Variants in RYR2 observed in about 807,000 individuals in gnomAD.
RYR2 encodes the protein ryanodine receptor 2.
A neutral mutation model predicts 601.1 loss-of-function variants in RYR2; 227 were observed. The ratio of observed to expected loss-of-function variants is 0.38; its 90% CI spans 0.34 to 0.42. The LOEUF is 0.42. RYR2 is among the 10% of genes least tolerant of loss of function. The pLI is 1.00. For missense variants in RYR2, 4,646 were observed against 6,156.5 expected (o/e 0.75, Z 8.21); for synonymous variants, 2,223 against 2,175.1 (o/e 1.02, Z -0.61).
intron 1 of RYR2, among the ~76,000 whole-genome samples, chr1:237,168,701 G>T (rs191357010): frequency 4.9e-5 from 2 of 40,622 alleles, no homozygotes; most frequent in East Asian, 1.3e-3. Flanking sequence ...CTCTGTTCTT[G>T]CTAAATGTGT....
chr1:237,612,185 G>A (rs183869877), intron 36 of RYR2, among the ~76,000 whole-genome samples: 8 of 152,254 alleles, frequency 5.3e-5, no homozygotes, highest in Admixed American at 3.3e-4. Flanking sequence ...TTAAGTGAAA[G>A]AATCCTACTA....
At chr1:237,542,062 A>AT (rs1170221829) in intron 25 of RYR2, among the ~76,000 whole-genome samples, 2 of 122,090 alleles carry the variant, frequency 1.6e-5, no homozygotes, top group African/African-American at 7.7e-5. Flanking sequence ...TTTTGTCTTT[A>AT]TTTATTTATT....
At chr1:237,045,408 T>C (rs985021706) in intron 1 of RYR2, among the ~76,000 whole-genome samples, 12 of 152,202 alleles carry the variant, frequency 7.9e-5, no homozygotes, top group African/African-American at 2.9e-4. Flanking sequence ...CTCTGGCATC[T>C]CTGTTCCATT....
At chr1:237,418,169 A>C (rs1705201622) in intron 11 of RYR2, among the ~76,000 whole-genome samples, 1 of 152,002 alleles carries the variant, frequency 6.6e-6, no homozygotes, top group Admixed American at 6.5e-5. Context: ...CAGCCTCCCG[A>C]GTAGCTGGGA....
At chr1:237,069,420 G>A (rs938664159) in intron 1 of RYR2, among the ~76,000 whole-genome samples, 3 of 152,010 alleles carry the variant, frequency 2.0e-5, no homozygotes, top group Admixed American at 6.6e-5. Context: ...ACAGGGCACA[G>A]CAAGTTGGAC....
chr1:237,205,808 A>G (rs1313739850), intron 1 of RYR2, among the ~76,000 whole-genome samples: 2 of 152,230 alleles, frequency 1.3e-5, no homozygotes, highest in Admixed American at 1.3e-4. Flanking sequence ...CTCTTCCTGC[A>G]CTGGGCAGAG....
rs572190116 is a variant in RYR2, at chr1:237,285,250, T to A, written c.168+14634T>A. On this transcript the variant is annotated intron_variant, in intron 2 of 104. Transcript: ENST00000366574. ...TTTTAATCATAAAGTGATGCTAGAT[T>A]TTGTCGAATGCTTTTTCTGCATCTA... 3.3e-5 allele frequency among the ~76,000 whole-genome samples: 5 copies of A among 152,304 alleles called. No homozygotes were observed. In the East Asian group the frequency reaches 9.7e-4, roughly 29 times the overall value.
rs145850838 is a variant in RYR2, at chr1:237,688,276, T to C, written c.9067+772T>C. 2.5e-3 allele frequency among the ~76,000 whole-genome samples: 377 copies of C among 152,290 alleles called. 3 individuals carry two copies. The highest frequency in any genetic ancestry group is 8.7e-3 in the African/African-American group (361 of 41,568). ...AGGTTTTGAGACAGTGTTGGAGTAA[T>C]TTTAGTAATAAAACATTGAATGTAT... is the stretch of plus-strand genomic sequence containing the variant. On this transcript the variant is annotated intron_variant, in intron 63 of 104. Transcript: ENST00000366574.
At chr1:237,103,826 C>T (rs1668384104) in intron 1 of RYR2, among the ~76,000 whole-genome samples, 1 of 152,236 alleles carries the variant, frequency 6.6e-6, no homozygotes, top group Non-Finnish European at 1.5e-5. Flanking sequence ...GCCTCGGCCT[C>T]CCAAAGTGTT....
chr1:237,431,423 A>G (rs1396445861), intron 12 of RYR2, among the ~76,000 whole-genome samples: 1 of 152,136 alleles, frequency 6.6e-6, no homozygotes, highest in Non-Finnish European at 1.5e-5. Flanking sequence ...TTGTAAGCAA[A>G]TATTACATAT....
At chr1:237,640,715 C>T (rs917137073) in intron 46 of RYR2, among the ~76,000 whole-genome samples, 182 bp from the exon 47 acceptor site, 20 of 152,298 alleles carry the variant, frequency 1.3e-4, no homozygotes, top group African/African-American at 4.6e-4. Flanking sequence ...AATCTCAAGT[C>T]TGATCTTTAA....
chr1:237,805,665 TTTTTAA>T (rs1660559126), intron 98 of RYR2, among the ~76,000 whole-genome samples: 1 of 149,680 alleles, frequency 6.7e-6, no homozygotes, highest in Admixed American at 6.7e-5. Context: ...TCAGAGTTAC[TTTTTAA>T]TTGTATTTTT....
intron 12 of RYR2, among the ~76,000 whole-genome samples, chr1:237,436,342 A>G (rs1707346456): frequency 6.6e-6 from 1 of 151,802 alleles, no homozygotes; most frequent in African/African-American, 2.4e-5. Flanking sequence ...ACGGCTGTGG[A>G]AGCCCCTCAT....
intron 84 of RYR2, among the ~76,000 whole-genome samples, chr1:237,765,285 A>G (rs1235248054): frequency 2.0e-5 from 3 of 151,488 alleles, no homozygotes; most frequent in Non-Finnish European, 2.9e-5. Flanking sequence ...TCTGCTTTCA[A>G]AATTCTTCTT....
At chr1:237,088,162 T>G (rs1219136222) in intron 1 of RYR2, among the ~76,000 whole-genome samples, 1 of 152,072 alleles carries the variant, frequency 6.6e-6, no homozygotes, top group Non-Finnish European at 1.5e-5. Flanking sequence ...TTTTTTCCAA[T>G]CCCAAGTGGC....
At chr1:237,746,514 C>T (rs1247766882) in intron 80 of RYR2, among the ~76,000 whole-genome samples, 3 of 152,008 alleles carry the variant, frequency 2.0e-5, no homozygotes, top group Non-Finnish European at 2.9e-5. Context: ...AATGATTTGC[C>T]AGCTCTTTTC....
chr1:237,669,707 C>T (rs1316368443), intron 58 of RYR2, among the ~76,000 whole-genome samples: 1 of 151,058 alleles, frequency 6.6e-6, no homozygotes, highest in African/African-American at 2.4e-5. Context: ...CGGGCAGAGA[C>T]GCTCCTCACT....
chr1:237,675,033 G>A (rs1396838448), intron 60 of RYR2, among the ~76,000 whole-genome samples, 187 bp downstream of exon 60: 1 of 152,124 alleles, frequency 6.6e-6, no homozygotes, highest in Non-Finnish European at 1.5e-5. Flanking sequence ...GGTAAAATCT[G>A]TGAACTTTTA....
At chr1:237,651,272 G>A in intron 50 of RYR2, 139 bp from the exon 51 acceptor site, 1 of 652,460 alleles carries the variant, frequency 1.5e-6, no homozygotes, top group Non-Finnish European at 2.8e-6. Flanking sequence ...GTTAATCTTT[G>A]GACAAAGAAC....
Sources: allele counts gnomAD v4.1 joint callset (sites outside exome capture counted in the v4.1 genomes callset), GRCh38; gene constraint gnomAD v4.1.1; transcripts MANE v1.5; gene names NCBI Gene and HGNC (gene_info 2026-07-23, HGNC 2026-07-21).